The following FOXC2 variants were observed in gnomAD, a reference collection of about 807,000 sequenced individuals.
FOXC2 encodes the protein forkhead box protein C2.
FOXC2 carries 7 observed loss-of-function variants against 7.2 expected under a neutral mutation model. That is an observed-to-expected ratio of 0.97 (90% CI 0.55 to 1.81). The LOEUF (loss-of-function observed/expected upper bound fraction) is 1.81, where lower values mean the gene tolerates loss of function less well. Ranked by LOEUF, FOXC2 falls within the 40% of genes most tolerant of loss-of-function variation. The pLI, the probability that FOXC2 is intolerant of heterozygous loss-of-function variation, is 0.00. For missense variants in FOXC2, 846 were observed against 741.2 expected (o/e 1.14, Z -1.64); for synonymous variants, 436 against 350.4 (o/e 1.24, Z -2.73).
At position 86,568,764 on chromosome 16, in the gene FOXC2, T is replaced by C; in HGVS notation, c.1429T>C (p.Cys477Arg). The change falls in exon 1 of 1, where the codon TGC (cysteine) becomes CGC (arginine). Residue 477 changes from cysteine to arginine, a missense_variant. Physicochemically the swap from Cys to Arg is radical, Grantham distance 180. Coordinates refer to ENST00000649859, the MANE Select transcript of FOXC2 (RefSeq NM_005251.3). This position sits in a 1 kb window ranked among gnomAD's most constrained non-coding sequence, Gnocchi z 5.2. The part of the protein sequence containing the change: ...GESQVSGNAS[C>R]QLPYRSTPPL... The stretch of plus-strand genomic sequence containing the variant: ...GTCCCAGGTGAGTGGCAATGCCAGC[T>C]GCCAGCTGCCCTACAGATCCACGCC... The C allele has an allele frequency of 6.2e-7, 1 of 1,612,988 alleles. No individual in the cohort carries two copies. Among genetic ancestry groups the C allele is most frequent in the East Asian group, 2.2e-5 (1 of 44,860 alleles).
In FOXC2 at chr16:86,568,523, C is replaced by A; in HGVS notation, c.1188C>A (p.His396Gln). Residue 396 changes from histidine to glutamine, a missense_variant, in exon 1 of 1, where the codon CAC (histidine) becomes CAA (glutamine). Around this residue, in one of 3 missense-constraint regions of FOXC2, gnomAD observed 640 missense variants for 503.2 expected, o/e 1.27. Coordinates refer to ENST00000649859, the MANE Select transcript of FOXC2 (RefSeq NM_005251.3). This position sits in a 1 kb window ranked among gnomAD's most constrained non-coding sequence, Gnocchi z 5.2. ...GHHHQHHGHHHPQAPPPPPAP... is the reference protein window; with the variant it reads ...GHHHQHHGHHQPQAPPPPPAP... ...ACCACCAGCACCACGGCCACCACCACCCGCAGGCGCCGCCGCCCCCGCCGG... is the reference window on the plus strand; with the variant it reads ...ACCACCAGCACCACGGCCACCACCAACCGCAGGCGCCGCCGCCCCCGCCGG... The A allele has an allele frequency of 7.8e-7, 1 of 1,282,346 alleles. No homozygotes were observed. Among genetic ancestry groups the A allele is most frequent in the Non-Finnish European group, 9.8e-7 (1 of 1,015,872 alleles). 79.4% of individuals were successfully genotyped at this position (1,282,346 alleles called of 1,614,324 possible).
At position 86,568,070 on chromosome 16, in the gene FOXC2, C is replaced by T. The variant is rs1266106125; in HGVS notation, c.735C>T (p.Ala245=). 10 of 1,430,514 alleles carry T rather than the reference C, an allele frequency of 7.0e-6. No homozygotes were observed. The highest frequency in any genetic ancestry group is 9.1e-6 in the Non-Finnish European group (10 of 1,102,194). 88.6% of individuals were successfully genotyped at this position (1,430,514 alleles called of 1,614,324 possible). ...SALQGSPRSA[A]STPAGSPDGS... The stretch of plus-strand genomic sequence containing the variant: ...TGCAGGGCAGCCCGCGCAGCGCGGC[C>T]TCCACGCCCGCCGGCTCCCCCGACG... The change falls in exon 1 of 1, where the codon GCC becomes GCT. Residue 245 remains alanine (A), a synonymous_variant. Coordinates refer to ENST00000649859, the MANE Select transcript of FOXC2 (RefSeq NM_005251.3). The surrounding 1 kb of genome is among the most constrained non-coding windows in gnomAD (Gnocchi z 5.2).
chr16:86,567,206 C>A lies in FOXC2; in HGVS notation c.-130C>A. ...CTCGCCCCGGAGGCTGCCAGGAGCCCGGGGCCGCCCCTCCCGCTCCCCTCC... is the reference window on the plus strand; with the variant it reads ...CTCGCCCCGGAGGCTGCCAGGAGCCAGGGGCCGCCCCTCCCGCTCCCCTCC... On this transcript the variant is annotated 5_prime_UTR_variant, in exon 1 of 1. Transcript: ENST00000649859. 1.8e-6 allele frequency: 2 copies of A among 1,088,086 alleles called. No individual in the cohort carries two copies. Among genetic ancestry groups the A allele is most frequent in the Non-Finnish European group, 2.6e-6 (2 of 765,836 alleles). The allele number at this position is 1,088,086 out of a possible 1,614,324, so 67.4% of individuals were successfully genotyped here.
In FOXC2 at chr16:86,568,592, G is replaced by C. The variant is rs1429887699; in HGVS notation, c.1257G>C (p.Ala419=). 4.4e-6 allele frequency: 7 copies of C among 1,603,996 alleles called. No individual in the cohort carries two copies. The South Asian group carries it at 6.6e-5, about 15-fold the overall frequency. ...QPTPQPGAAA[A]QAASWYLNHS... is the part of the protein sequence containing the mutation. ...CGCCGCAGCCCGGGGCCGCCGCGGC[G>C]CAGGCGGCCTCCTGGTATCTCAACC... Residue 419 remains alanine, a synonymous_variant, in exon 1 of 1, where the codon GCG becomes GCC. Coordinates refer to ENST00000649859, the MANE Select transcript of FOXC2 (RefSeq NM_005251.3). The surrounding 1 kb of genome is among the most constrained non-coding windows in gnomAD (Gnocchi z 5.2).
In FOXC2 at chr16:86,568,677, C is replaced by T. The variant is rs754578087; in HGVS notation, c.1342C>T (p.Pro448Ser). The change falls in exon 1 of 1, where the codon CCC becomes TCC. Residue 448 changes from proline to serine, a missense_variant. By Grantham distance (74) the Pro-to-Ser change is moderately conservative. Around this residue, in one of 3 missense-constraint regions of FOXC2, gnomAD observed 640 missense variants for 503.2 expected, o/e 1.27. Coordinates refer to ENST00000649859, the MANE Select transcript of FOXC2 (RefSeq NM_005251.3). The surrounding 1 kb of genome is among the most constrained non-coding windows in gnomAD (Gnocchi z 5.2). ...GTTCGCGGCCCAGCAGCAAACTTTC[C>T]CCAACGTGCGGGAGATGTTCAACTC... ...HTFAAQQQTF[P>S]NVREMFNSHR... The T allele has an allele frequency of 1.2e-6, 2 of 1,612,886 alleles. No homozygotes were observed. Among genetic ancestry groups the T allele is most frequent in the Admixed American group, 1.7e-5 (1 of 60,030 alleles).
In FOXC2 at chr16:86,569,249, A is replaced by G. The variant is rs1198019636; in HGVS notation, c.*408A>G. 13 of 241,412 alleles carry G rather than the reference A, an allele frequency of 5.4e-5. No homozygotes were observed. In the South Asian group the frequency reaches 8.9e-4, roughly 16 times the overall value. The allele number at this position is 241,412 out of a possible 1,614,324, so 15.0% of individuals were successfully genotyped here. On this transcript the variant is annotated 3_prime_UTR_variant, in exon 1 of 1. Coordinates refer to ENST00000649859, the MANE Select transcript of FOXC2 (RefSeq NM_005251.3). ...GTGTATGGGGGTCTCTATAGATAAT[A>G]TATGTGCTGTGTGTAATTTTAAATT... is the stretch of plus-strand genomic sequence containing the variant.
At position 86,567,780 on chromosome 16, in the gene FOXC2, G is replaced by C. The variant is rs766826259; in HGVS notation, c.445G>C (p.Asp149His). Reference sequence around the variant, plus strand: ...CGGCAAGGGCAGTTACTGGACCCTGGACCCGGACTCCTACAACATGTTCGA... The same window carrying C: ...CGGCAAGGGCAGTTACTGGACCCTGCACCCGGACTCCTACAACATGTTCGA... The part of the protein sequence containing the change: ...KPGKGSYWTL[D>H]PDSYNMFENG... The change falls in exon 1 of 1, where the codon GAC becomes CAC. Residue 149 changes from aspartate to histidine, a missense_variant. Transcript: ENST00000649859. 6.8e-6 allele frequency: 11 copies of C among 1,614,154 alleles called. No homozygotes were observed. In the Admixed American group the frequency reaches 1.8e-4, roughly 27 times the overall value.
chr16:86,567,222 G>T lies in FOXC2; in HGVS notation c.-114G>T, dbSNP rs1409105821. On this transcript the variant is annotated 5_prime_UTR_variant, in exon 1 of 1. Transcript: ENST00000649859. ...CCAGGAGCCCGGGGCCGCCCCTCCC[G>T]CTCCCCTCCTCTCCCCCTCTGGCTC... The T allele has an allele frequency of 4.7e-6, 6 of 1,273,622 alleles. No homozygotes were observed. The highest frequency in any genetic ancestry group is 6.5e-6 in the Non-Finnish European group (6 of 916,704). The allele number at this position is 1,273,622 out of a possible 1,614,324, so 78.9% of individuals were successfully genotyped here. A position where few individuals can be genotyped will look rare whatever the true frequency, so the allele number is the denominator to read the frequency against.
In FOXC2 at chr16:86,567,270, G is replaced by C. The variant is rs1348705447; in HGVS notation, c.-66G>C. 8.8e-6 allele frequency: 14 copies of C among 1,589,386 alleles called. No individual in the cohort carries two copies. In the African/African-American group the frequency reaches 1.2e-4, roughly 14 times the overall value. ...CTCTCTCGCGCTCTCTCGCTCTCAGGGCCCCCCTCGCTCCCCCGGCCGCAG... is the reference window on the plus strand; with the variant it reads ...CTCTCTCGCGCTCTCTCGCTCTCAGCGCCCCCCTCGCTCCCCCGGCCGCAG... On this transcript the variant is annotated 5_prime_UTR_variant, in exon 1 of 1. Coordinates refer to ENST00000649859, the MANE Select transcript of FOXC2 (RefSeq NM_005251.3).
chr16:86,567,371 C>T lies in FOXC2; in HGVS notation c.36C>T (p.Ala12=), dbSNP rs1206020909. 2 of 1,613,140 alleles carry T rather than the reference C, an allele frequency of 1.2e-6. No homozygotes were observed. The highest frequency in any genetic ancestry group is 1.7e-5 in the Admixed American group (1 of 60,026). ...QARYSVSDPN[A]LGVVPYLSEQ... is the part of the protein sequence containing the mutation. The stretch of plus-strand genomic sequence containing the variant: ...GCTACTCCGTGTCCGACCCCAACGC[C>T]CTGGGAGTGGTGCCCTACCTGAGCG... Residue 12 remains alanine (A), a synonymous_variant, in exon 1 of 1, where the codon GCC becomes GCT. Transcript: ENST00000649859.
At position 86,569,086 on chromosome 16, in the gene FOXC2, A is replaced by G. The variant is rs190852335; in HGVS notation, c.*245A>G. The G allele has an allele frequency of 1.0e-4, 63 of 602,652 alleles. No homozygotes were observed. The highest frequency in any genetic ancestry group is 3.2e-4 in the African/African-American group (17 of 53,728). 37.3% of individuals were successfully genotyped at this position (602,652 alleles called of 1,614,324 possible). ...AACCCCTCCAAAGGGACGCAGCCCA[A>G]CAAAATGAGTATTGATCTTAAAATC... is the stretch of plus-strand genomic sequence containing the variant. On this transcript the variant is annotated 3_prime_UTR_variant, in exon 1 of 1. Transcript: ENST00000649859.
Position 86,569,075 on chromosome 16 carries a change from G to C in FOXC2, c.*234G>C, listed in dbSNP as rs1974247283. Reference sequence around the variant, plus strand: ...GGATCCCAGGAAACCCCTCCAAAGGGACGCAGCCCAACAAAATGAGTATTG... The same window carrying C: ...GGATCCCAGGAAACCCCTCCAAAGGCACGCAGCCCAACAAAATGAGTATTG... On this transcript the variant is annotated 3_prime_UTR_variant, in exon 1 of 1. Coordinates refer to ENST00000649859, the MANE Select transcript of FOXC2 (RefSeq NM_005251.3). 1 of 610,668 alleles carries C rather than the reference G, an allele frequency of 1.6e-6. No individual in the cohort carries two copies. Among genetic ancestry groups the C allele is most frequent in the Non-Finnish European group, 3.0e-6 (1 of 336,170 alleles). 37.8% of individuals were successfully genotyped at this position (610,668 alleles called of 1,614,324 possible). A position where few individuals can be genotyped will look rare whatever the true frequency, so the allele number is the denominator to read the frequency against.
rs968055785 is a variant in FOXC2 at position 86,569,256 on chromosome 16, C to A, written c.*415C>A. On this transcript the variant is annotated 3_prime_UTR_variant, in exon 1 of 1. Transcript: ENST00000649859. ...GGGGTCTCTATAGATAATATATGTG[C>A]TGTGTGTAATTTTAAATTTCTCCAA... The A allele has an allele frequency of 1.4e-5, 3 of 221,168 alleles. No individual in the cohort carries two copies. Among genetic ancestry groups the A allele is most frequent in the Admixed American group, 5.2e-5 (1 of 19,252 alleles). 13.7% of individuals were successfully genotyped at this position (221,168 alleles called of 1,614,324 possible).
rs1271339866 is a variant in FOXC2 at position 86,567,246 on chromosome 16, T to G, written c.-90T>G. The G allele has an allele frequency of 2.0e-6, 3 of 1,468,032 alleles. No individual in the cohort carries two copies. The highest frequency in any genetic ancestry group is 1.8e-5 in the Admixed American group (1 of 54,336). The allele number at this position is 1,468,032 out of a possible 1,614,324, so 90.9% of individuals were successfully genotyped here. ...CGCTCCCCTCCTCTCCCCCTCTGGC[T>G]CTCTCGCGCTCTCTCGCTCTCAGGG... On this transcript the variant is annotated 5_prime_UTR_variant, in exon 1 of 1. Transcript: ENST00000649859.
Position 86,567,361 on chromosome 16 carries a change from A to G in FOXC2, c.26A>G (p.Asp9Gly). 12 of 1,612,900 alleles carry G rather than the reference A, an allele frequency of 7.4e-6. No individual in the cohort carries two copies. Among genetic ancestry groups the G allele is most frequent in the Non-Finnish European group, 1.0e-5 (12 of 1,179,834 alleles). MQARYSVS[D>G]PNALGVVPYL... The stretch of plus-strand genomic sequence containing the variant: ...ATGCAGGCGCGCTACTCCGTGTCCG[A>G]CCCCAACGCCCTGGGAGTGGTGCCC... Residue 9 changes from aspartate to glycine, a missense_variant, in exon 1 of 1, where the codon GAC becomes GGC. Transcript: ENST00000649859.
chr16:86,568,058 G>C lies in FOXC2; in HGVS notation c.723G>C (p.Pro241=). Residue 241 remains proline (P), a synonymous_variant, in exon 1 of 1, where the codon CCG becomes CCC. Transcript: ENST00000649859. This position sits in a 1 kb window ranked among gnomAD's most constrained non-coding sequence, Gnocchi z 5.2. ...CCGAGAGCGCGCTGCAGGGCAGCCCGCGCAGCGCGGCCTCCACGCCCGCCG... is the reference window on the plus strand; with the variant it reads ...CCGAGAGCGCGCTGCAGGGCAGCCCCCGCAGCGCGGCCTCCACGCCCGCCG... ...LSPESALQGS[P]RSAASTPAGS... The C allele has an allele frequency of 1.4e-6, 2 of 1,444,864 alleles. No individual in the cohort carries two copies. The highest frequency in any genetic ancestry group is 1.8e-6 in the Non-Finnish European group (2 of 1,109,558). 89.5% of individuals were successfully genotyped at this position (1,444,864 alleles called of 1,614,324 possible).
At position 86,567,504 on chromosome 16, in the gene FOXC2, G is replaced by T; in HGVS notation, c.169G>T (p.Ala57Ser). The T allele has an allele frequency of 1.2e-6, 2 of 1,613,856 alleles. No individual in the cohort carries two copies. Among genetic ancestry groups the T allele is most frequent in the Non-Finnish European group, 1.7e-6 (2 of 1,179,982 alleles). The change falls in exon 1 of 1, where the codon GCG becomes TCG. Residue 57 changes from alanine to serine, a missense_variant. Coordinates refer to ENST00000649859, the MANE Select transcript of FOXC2 (RefSeq NM_005251.3). ...CAGCGCGGGGATGGGCCGCTCCTACGCGCCCTACCACCACCACCAGCCCGC... is the reference window on the plus strand; with the variant it reads ...CAGCGCGGGGATGGGCCGCTCCTACTCGCCCTACCACCACCACCAGCCCGC... ...QYSAGMGRSYAPYHHHQPAAP... is the reference protein window; with the variant it reads ...QYSAGMGRSYSPYHHHQPAAP...
At position 86,568,791 on chromosome 16, in the gene FOXC2, C is replaced by T. The variant is rs2144021356; in HGVS notation, c.1456C>T (p.Pro486Ser). The change falls in exon 1 of 1, where the codon CCT (proline) becomes TCT (serine). Residue 486 changes from proline (P) to serine (S), a missense_variant. Physicochemically the swap from Pro to Ser is moderately conservative, Grantham distance 74. Coordinates refer to ENST00000649859, the MANE Select transcript of FOXC2 (RefSeq NM_005251.3). The surrounding 1 kb of genome is among the most constrained non-coding windows in gnomAD (Gnocchi z 5.2). Reference protein sequence around the residue: ...SCQLPYRSTPPLYRHAAPYSY... With the variant: ...SCQLPYRSTPSLYRHAAPYSY... ...CCAGCTGCCCTACAGATCCACGCCGCCTCTCTATCGCCACGCAGCCCCCTA... is the reference window on the plus strand; with the variant it reads ...CCAGCTGCCCTACAGATCCACGCCGTCTCTCTATCGCCACGCAGCCCCCTA... 6.2e-7 allele frequency: 1 copy of T among 1,613,028 alleles called. No individual in the cohort carries two copies. The highest frequency in any genetic ancestry group is 8.5e-7 in the Non-Finnish European group (1 of 1,179,996).
Position 86,568,024 on chromosome 16 carries a change from C to G in FOXC2, c.689C>G (p.Thr230Arg). The G allele has an allele frequency of 4.7e-6, 7 of 1,478,846 alleles. No individual in the cohort carries two copies. The highest frequency in any genetic ancestry group is 5.3e-6 in the Non-Finnish European group (6 of 1,126,948). The allele number at this position is 1,478,846 out of a possible 1,614,324, so 91.6% of individuals were successfully genotyped here. The stretch of plus-strand genomic sequence containing the variant: ...CTGCCGGTCATCACCAAGGTGGAGA[C>G]GCTGAGCCCCGAGAGCGCGCTGCAG... ...PALPVITKVETLSPESALQGS... is the reference protein window; with the variant it reads ...PALPVITKVERLSPESALQGS... The change falls in exon 1 of 1, where the codon ACG becomes AGG. Residue 230 changes from threonine to arginine, a missense_variant. This residue lies in a region of FOXC2 where 640 missense variants were observed against 503.2 expected (regional missense o/e 1.27). Transcript: ENST00000649859. This position sits in a 1 kb window ranked among gnomAD's most constrained non-coding sequence, Gnocchi z 5.2.
Sources: gnomAD v4.1 joint callset for allele counts on GRCh38, gnomAD v4.1.1 for gene constraint, gnomAD v4.1.1 regional missense constraint, Gnocchi (gnomAD v3.1) non-coding constraint, MANE v1.5 for transcripts, NCBI Gene and HGNC (gene_info 2026-07-23, HGNC 2026-07-21) for gene names.